MYH16: variants seen among roughly 807,000 people sequenced by gnomAD.
MYH16 encodes putative uncharacterized protein MYH16.
chr7:99,288,327 T>C (rs1160139779), intron 29 of MYH16, among the ~76,000 whole-genome samples, 190 bp downstream of exon 10: 1 of 151,974 alleles, frequency 6.6e-6, no homozygotes, highest in Admixed American at 6.6e-5. Context: ...TAGTCCTAGC[T>C]ACTCAGGAGG....
chr7:99,294,500 CA>C (rs1159682450), intron 33 of MYH16, among the ~76,000 whole-genome samples: 2,304 of 25,548 alleles, frequency 0.09, 14 homozygotes, highest in African/African-American at 0.13. Context: ...GACCCTGTCT[CA>C]AAAAAAAAAA....
chr7:99,311,107 A>C (rs1332648657), downstream of MYH16: 1 of 152,106 alleles, frequency 6.6e-6, no homozygotes, highest in Non-Finnish European at 1.5e-5. Flanking sequence ...AGCTTAAATA[A>C]AAGAAACATT....
exon 12 of MYH16, chr7:99,260,279 G>A: frequency 6.3e-7 from 1 of 1,576,756 alleles, no homozygotes. Flanking sequence ...GGCATCGAGT[G>A]GGTCTTCATC....
chr7:99,245,398 G>C (rs1230416706), intron 2 of MYH16, among the ~76,000 whole-genome samples: 1 of 152,192 alleles, frequency 6.6e-6, no homozygotes, highest in Non-Finnish European at 1.5e-5. Flanking sequence ...CTTGGTGGAT[G>C]CTTTAGAGGT....
At chr7:99,269,143 A>G (rs1018544103) in intron 18 of MYH16, among the ~76,000 whole-genome samples, 1 of 152,234 alleles carries the variant, frequency 6.6e-6, no homozygotes, top group South Asian at 2.1e-4. Flanking sequence ...ATTATGAAAC[A>G]TAATAATAAA....
intron 15 of MYH16, among the ~76,000 whole-genome samples, chr7:99,264,790 G>A (rs1791971169): frequency 1.3e-5 from 2 of 152,168 alleles, no homozygotes; most frequent in African/African-American, 4.8e-5. Flanking sequence ...TGCCCACACA[G>A]ACCCTATGGT....
At chr7:99,246,709 T>C (rs781208393) in intron 2 of MYH16, among the ~76,000 whole-genome samples, 14 of 148,854 alleles carry the variant, frequency 9.4e-5, no homozygotes, top group Non-Finnish European at 1.5e-4. Flanking sequence ...CCACAAAATA[T>C]ATATAAATAA....
At chr7:99,283,384 G>C (rs1286311263) in intron 23 of MYH16, among the ~76,000 whole-genome samples, 181 bp from the exon 6 acceptor site, 1 of 152,198 alleles carries the variant, frequency 6.6e-6, no homozygotes, top group Admixed American at 6.5e-5. Context: ...GGTGGCTCTG[G>C]TCCATCTGCT....
chr7:99,284,420 G>A (rs916454549), intron 25 of MYH16, among the ~76,000 whole-genome samples: 4 of 152,050 alleles, frequency 2.6e-5, no homozygotes, highest in South Asian at 2.1e-4. Context: ...GCAAGACCCC[G>A]TCTACAAAAA....
At chr7:99,303,769 T>A (rs1223925085) in intron 39 of MYH16, among the ~76,000 whole-genome samples, 1 of 152,148 alleles carries the variant, frequency 6.6e-6, no homozygotes. Flanking sequence ...GCCACTGCAC[T>A]GCAGCCTGGG....
chr7:99,288,114 A>T (rs1402950805), exon 29 of MYH16: 2 of 456,688 alleles, frequency 4.4e-6, no homozygotes, highest in East Asian at 1.4e-4. Flanking sequence ...CAATGCCAGC[A>T]TGGAGACGAT....
intron 19 of MYH16, chr7:99,271,126 G>A (rs996892402): frequency 3.3e-5 from 5 of 152,644 alleles, no homozygotes; most frequent in Non-Finnish European, 7.3e-5. Context: ...GGAAGGCCCA[G>A]AGGAGCCACA....
intron 37 of MYH16, among the ~76,000 whole-genome samples, chr7:99,300,353 T>C (rs948763634): frequency 1.3e-5 from 2 of 152,208 alleles, no homozygotes; most frequent in Non-Finnish European, 2.9e-5. Context: ...ACCCACTACT[T>C]GCTTTAAAAA....
chr7:99,241,592 A>G (rs532157692), intron 1 of MYH16, among the ~76,000 whole-genome samples: 2 of 152,286 alleles, frequency 1.3e-5, no homozygotes, highest in South Asian at 2.1e-4. Context: ...CAGAAAAAAC[A>G]ACAAAACAAA....
exon 24 of MYH16, chr7:99,283,606 C>T (rs545865440): frequency 1.7e-4 from 78 of 456,508 alleles, no homozygotes; most frequent in Middle Eastern, 1.4e-3. Flanking sequence ...ACAAGGTGAA[C>T]CACCTGACCA....
chr7:99,281,629 T>C (rs1238844682), intron 23 of MYH16, among the ~76,000 whole-genome samples: 2 of 152,226 alleles, frequency 1.3e-5, no homozygotes, highest in East Asian at 1.9e-4. Flanking sequence ...GTATGCTCAC[T>C]GGAGTGGTAG....
chr7:99,276,255 A>G (rs745497364), intron 20 of MYH16, among the ~76,000 whole-genome samples: 2 of 152,236 alleles, frequency 1.3e-5, no homozygotes, highest in South Asian at 4.1e-4. Flanking sequence ...CAGGCTGGCA[A>G]TGAACGAGGT....
At chr7:99,304,089 T>C (rs915693067) in intron 39 of MYH16, among the ~76,000 whole-genome samples, 2 of 151,998 alleles carry the variant, frequency 1.3e-5, no homozygotes, top group African/African-American at 2.4e-5. Context: ...ATCTCAGGAG[T>C]TCAGGAACAT....
intron 18 of MYH16, among the ~76,000 whole-genome samples, chr7:99,268,928 C>G (rs1433986968): frequency 2.0e-5 from 3 of 152,152 alleles, no homozygotes; most frequent in Admixed American, 2.0e-4. Flanking sequence ...GTTCCCGCAG[C>G]TCAGAGGTCC....
Sources: gnomAD v4.1 joint callset for allele counts (sites outside exome capture counted in the v4.1 genomes callset) on GRCh38, gnomAD v4.1.1 for gene constraint, MANE v1.5 for transcripts, NCBI Gene and HGNC (gene_info 2026-07-23, HGNC 2026-07-21) for gene names.